The following CWC27 variants were observed in gnomAD, a reference collection of about 807,000 sequenced individuals.
CWC27 encodes the protein CWC27 spliceosome associated cyclophilin.
A neutral mutation model predicts 63.6 loss-of-function variants in CWC27; 47 were observed. The observed-to-expected ratio is 0.74, with a 90% CI of 0.58 to 0.94. The LOEUF (loss-of-function observed/expected upper bound fraction) is 0.94. CWC27 is among the 40% of genes least tolerant of loss of function. The pLI is 0.00. For missense variants in CWC27, 495 were observed against 554.3 expected (o/e 0.89, Z 1.07); for synonymous variants, 175 against 179.8 (o/e 0.97, Z 0.22).
chr5:64,997,404 C>T (rs375798643), intron 13 of CWC27, among the ~76,000 whole-genome samples: 1 of 152,004 alleles, frequency 6.6e-6, no homozygotes, highest in Non-Finnish European at 1.5e-5. Flanking sequence ...TGGAACAATC[C>T]GTGCTCAATA....
chr5:64,929,534 T>G (rs927419255), intron 11 of CWC27, among the ~76,000 whole-genome samples: 6 of 152,182 alleles, frequency 3.9e-5, no homozygotes, highest in Non-Finnish European at 7.3e-5. Context: ...AATGCAATTT[T>G]TAAATTGGCA....
At chr5:64,908,095 C>T (rs1016870410) in intron 11 of CWC27, among the ~76,000 whole-genome samples, 2 of 152,214 alleles carry the variant, frequency 1.3e-5, no homozygotes, top group African/African-American at 2.4e-5. Flanking sequence ...TCTTTGTTCT[C>T]ATTGGTTTCA....
At chr5:64,829,004 A>T (rs1278217223) in intron 10 of CWC27, among the ~76,000 whole-genome samples, 1 of 152,170 alleles carries the variant, frequency 6.6e-6, no homozygotes, top group Non-Finnish European at 1.5e-5. Context: ...GGAATGAGTG[A>T]ATGTTGAATC....
chr5:64,851,437 T>C (rs957774751), intron 10 of CWC27, among the ~76,000 whole-genome samples: 5 of 152,154 alleles, frequency 3.3e-5, no homozygotes, highest in African/African-American at 1.2e-4. Flanking sequence ...TTCAAAATCA[T>C]ACAGGAGTGA....
chr5:64,803,919 A>G (rs1464177578), intron 9 of CWC27, among the ~76,000 whole-genome samples: 4 of 152,086 alleles, frequency 2.6e-5, no homozygotes, highest in African/African-American at 9.7e-5. Flanking sequence ...AGATAAGAAT[A>G]GGAATATAGA....
intron 10 of CWC27, among the ~76,000 whole-genome samples, chr5:64,809,032 C>G (rs1489207043): frequency 6.6e-6 from 1 of 152,128 alleles, no homozygotes; most frequent in Non-Finnish European, 1.5e-5. Flanking sequence ...TCCATATACC[C>G]ATCACCCAGA....
At chr5:65,010,221 A>G (rs1749922487) in intron 13 of CWC27, among the ~76,000 whole-genome samples, 1 of 152,260 alleles carries the variant, frequency 6.6e-6, no homozygotes, top group African/African-American at 2.4e-5. Flanking sequence ...AGGGACATAC[A>G]CCAGTGGGAA....
At chr5:64,964,868 G>A (rs1748983123) in intron 11 of CWC27, among the ~76,000 whole-genome samples, 1 of 151,994 alleles carries the variant, frequency 6.6e-6, no homozygotes. Flanking sequence ...TTTTTTCTTA[G>A]CTCTGTTGAG....
At chr5:64,988,117 G>A (rs1196107871) in intron 13 of CWC27, among the ~76,000 whole-genome samples, 1 of 152,016 alleles carries the variant, frequency 6.6e-6, no homozygotes, top group African/African-American at 2.4e-5. Context: ...CCCTTGCAGT[G>A]GGTTTTAAAT....
chr5:64,827,165 C>T (rs550146991), intron 10 of CWC27, among the ~76,000 whole-genome samples: 1 of 152,194 alleles, frequency 6.6e-6, no homozygotes, highest in East Asian at 1.9e-4. Flanking sequence ...ATTTAATTTA[C>T]AATTCATTTA....
rs544836434 is a variant in CWC27, at chr5:64,998,128, C to A, written c.1257-20031C>A. ...GATGAAGACAGCTCTTCTGTCTTAACCCTGCGCTTTCATATGGTTTGCCCT... is the reference window on the plus strand; with the variant it reads ...GATGAAGACAGCTCTTCTGTCTTAAACCTGCGCTTTCATATGGTTTGCCCT... On this transcript the variant is annotated intron_variant, in intron 13 of 13. Transcript: ENST00000381070. Among the ~76,000 whole-genome samples the A allele has an allele frequency of 2.1e-3, 320 of 152,218 alleles. 1 individual carries two copies. Among genetic ancestry groups the A allele is most frequent in the Non-Finnish European group, 3.7e-3 (251 of 67,986 alleles).
intron 11 of CWC27, among the ~76,000 whole-genome samples, chr5:64,927,902 C>T (rs917689535): frequency 2.6e-5 from 4 of 152,142 alleles, no homozygotes; most frequent in African/African-American, 4.8e-5. Context: ...TGCCTGTAAT[C>T]CCAGCACTTT....
intron 11 of CWC27, among the ~76,000 whole-genome samples, chr5:64,968,400 T>G (rs1023931405): frequency 1.3e-5 from 2 of 151,878 alleles, no homozygotes; most frequent in Admixed American, 6.6e-5. Flanking sequence ...CCCCAAGAAA[T>G]GAAAATATAT....
At chr5:64,912,620 T>C (rs76535082) in intron 11 of CWC27, among the ~76,000 whole-genome samples, 18 of 152,296 alleles carry the variant, frequency 1.2e-4, no homozygotes, top group African/African-American at 3.8e-4. Context: ...ACTAATCATA[T>C]TGATAAACTC....
At chr5:64,811,699 A>G (rs74999700) in intron 10 of CWC27, among the ~76,000 whole-genome samples, 2,546 of 152,154 alleles carry the variant, frequency 0.017, 69 homozygotes, top group African/African-American at 0.059. Context: ...TATTTGATAA[A>G]GTTAACTGGA....
At chr5:64,821,495 A>G (rs1344818316) in intron 10 of CWC27, among the ~76,000 whole-genome samples, 1 of 152,214 alleles carries the variant, frequency 6.6e-6, no homozygotes, top group Non-Finnish European at 1.5e-5. Flanking sequence ...GTTACTTCAC[A>G]CTTCAGCATA....
chr5:64,858,137 CAAAAAAAAAAA>C (rs529762534), intron 10 of CWC27, among the ~76,000 whole-genome samples: 4 of 23,088 alleles, frequency 1.7e-4, no homozygotes, highest in East Asian at 1.6e-3. Context: ...GACTCCGTCT[CAAAAAAAAAAA>C]AAAAAAAAAA....
At chr5:64,965,509 T>C (rs536770819) in intron 11 of CWC27, among the ~76,000 whole-genome samples, 1 of 152,310 alleles carries the variant, frequency 6.6e-6, no homozygotes, top group South Asian at 2.1e-4. Context: ...TGGAGCTTCA[T>C]TAAGAATGGA....
intron 11 of CWC27, among the ~76,000 whole-genome samples, chr5:64,897,323 T>A (rs937876975): frequency 6.6e-6 from 1 of 152,104 alleles, no homozygotes; most frequent in Non-Finnish European, 1.5e-5. Flanking sequence ...TAGCAAAGAC[T>A]TGGAACCTAC....
Sources: gnomAD v4.1 joint callset for allele counts (sites outside exome capture counted in the v4.1 genomes callset) on GRCh38, gnomAD v4.1.1 for gene constraint, MANE v1.5 for transcripts, NCBI Gene and HGNC (gene_info 2026-07-23, HGNC 2026-07-21) for gene names.